Variants in FHIT observed in about 807,000 individuals in gnomAD.
FHIT encodes the protein bis(5'-adenosyl)-triphosphatase.
Under a neutral mutation model 17.9 loss-of-function variants are expected in FHIT, and 19 were observed. The ratio of observed to expected loss-of-function variants is 1.06; its 90% CI spans 0.74 to 1.56. FHIT has a LOEUF of 1.56. FHIT is among the 40% of genes most tolerant of loss of function. FHIT has a pLI of 0.00. For missense variants in FHIT, 248 were observed against 189.2 expected, an observed-to-expected ratio of 1.31 and a Z score of -1.82; for synonymous variants, 81 against 69.7, an observed-to-expected ratio of 1.16 and a Z score of -0.81.
At position 61,033,191 on chromosome 3, in the gene FHIT, T is replaced by G. The variant is rs150345511; in HGVS notation, c.-111+8856A>C. ...ATAATGAGCATATCTCTTAGCCCAG[T>G]CAAGTTGACACAAAATTAACCATCA... On this transcript the variant is annotated intron_variant, in intron 3 of 9. Coordinates refer to ENST00000492590, the MANE Select transcript of FHIT (RefSeq NM_002012.4). Among the ~76,000 whole-genome samples the G allele has an allele frequency of 2.0e-4, 30 of 152,354 alleles. No homozygotes were observed. The East Asian group carries it at 5.6e-3, about 28-fold the overall frequency.
chr3:60,653,917 C>G (rs1178475594), intron 4 of FHIT, among the ~76,000 whole-genome samples: 1 of 152,156 alleles, frequency 6.6e-6, no homozygotes, highest in Non-Finnish European at 1.5e-5. Flanking sequence ...ATGTAATCCC[C>G]GGTGCTGGAG....
At chr3:60,902,463 C>A (rs1553763424) in intron 3 of FHIT, among the ~76,000 whole-genome samples, 1 of 152,178 alleles carries the variant, frequency 6.6e-6, no homozygotes, top group African/African-American at 2.4e-5. Context: ...TTATAAAGGG[C>A]TGACCCGAAA....
At chr3:59,901,202 T>G (rs1377678469) in intron 8 of FHIT, among the ~76,000 whole-genome samples, 1 of 152,186 alleles carries the variant, frequency 6.6e-6, no homozygotes, top group Non-Finnish European at 1.5e-5. Context: ...ACTTTCTGAG[T>G]GAAATAGTGA....
rs200076485 is a variant in FHIT, at chr3:60,521,343, A to G, written c.103+15517T>C. 1.1e-3 allele frequency among the ~76,000 whole-genome samples: 171 copies of G among 152,008 alleles called. 2 individuals carry two copies. In the East Asian group the frequency reaches 0.024, roughly 22 times the overall value. On this transcript the variant is annotated intron_variant, in intron 5 of 9. Transcript: ENST00000492590. ...GCTCACTGCAAGCTCCGCCTCCCAG[A>G]TTCACGCCATTCTCCTGCCTCAACC...
chr3:60,740,419 C>T (rs1396914690), intron 4 of FHIT, among the ~76,000 whole-genome samples: 2 of 152,166 alleles, frequency 1.3e-5, no homozygotes, highest in Non-Finnish European at 2.9e-5. Flanking sequence ...GGTTAAATAA[C>T]TTATGTAAAG....
chr3:59,911,513 G>A (rs1704875209), intron 8 of FHIT, among the ~76,000 whole-genome samples: 2 of 152,134 alleles, frequency 1.3e-5, no homozygotes, highest in Admixed American at 6.5e-5. Flanking sequence ...TTCCAGAAAC[G>A]GGTACAGGGG....
At chr3:60,372,987 TAC>T (rs1700396190) in intron 5 of FHIT, among the ~76,000 whole-genome samples, 1 of 152,180 alleles carries the variant, frequency 6.6e-6, no homozygotes, top group Admixed American at 6.5e-5. Context: ...TTCTAGAGCC[TAC>T]CAAATAAAAA....
intron 5 of FHIT, among the ~76,000 whole-genome samples, chr3:60,365,580 C>A (rs1036901302): frequency 3.9e-5 from 6 of 152,128 alleles, no homozygotes; most frequent in Admixed American, 3.3e-4. Context: ...TCTCATAACT[C>A]ATTAGTTATT....
chr3:60,120,549 ACAG>A (rs756900966), intron 5 of FHIT, among the ~76,000 whole-genome samples: 2 of 152,240 alleles, frequency 1.3e-5, no homozygotes, highest in Non-Finnish European at 2.9e-5. Flanking sequence ...TAAGAGTACG[ACAG>A]CAGCGAGGAC....
intron 1 of FHIT, among the ~76,000 whole-genome samples, chr3:61,225,545 A>G (rs141373555): frequency 0.013 from 1,922 of 152,366 alleles, 21 homozygotes; most frequent in Middle Eastern, 0.075. Context: ...AAGTTCCATC[A>G]AAGCTTAATA....
At chr3:60,567,784 A>C (rs1235604198) in intron 4 of FHIT, among the ~76,000 whole-genome samples, 1 of 152,220 alleles carries the variant, frequency 6.6e-6, no homozygotes, top group African/African-American at 2.4e-5. Context: ...GTCCCAGCAA[A>C]AAGTGGGTGA....
intron 5 of FHIT, among the ~76,000 whole-genome samples, chr3:60,027,797 A>G (rs1323794841): frequency 6.6e-6 from 1 of 151,894 alleles, no homozygotes; most frequent in East Asian, 1.9e-4. Flanking sequence ...TCCTCGATCC[A>G]TCATAATTTA....
chr3:60,481,170 CT>C (rs1559480947), intron 5 of FHIT, among the ~76,000 whole-genome samples: 1 of 152,074 alleles, frequency 6.6e-6, no homozygotes. Context: ...AAATATGGGA[CT>C]TCATAAAAAG....
At chr3:59,762,981 G>A (rs1052311656) in intron 8 of FHIT, among the ~76,000 whole-genome samples, 1 of 152,192 alleles carries the variant, frequency 6.6e-6, no homozygotes, top group African/African-American at 2.4e-5. Flanking sequence ...AGACTTCGGA[G>A]AAGGAAGCAT....
At chr3:60,995,571 C>A (rs974902273) in intron 3 of FHIT, among the ~76,000 whole-genome samples, 4 of 152,056 alleles carry the variant, frequency 2.6e-5, no homozygotes, top group South Asian at 2.1e-4. Context: ...CTCCCCAGAC[C>A]GTGACCTGGA....
chr3:60,127,321 T>C (rs1477471344), intron 5 of FHIT, among the ~76,000 whole-genome samples: 5 of 152,226 alleles, frequency 3.3e-5, no homozygotes, highest in Non-Finnish European at 7.3e-5. Flanking sequence ...CTATCTCTGA[T>C]ATCTAAATAG....
At chr3:60,464,957 A>G (rs2032702175) in intron 5 of FHIT, among the ~76,000 whole-genome samples, 1 of 152,112 alleles carries the variant, frequency 6.6e-6, no homozygotes, top group Non-Finnish European at 1.5e-5. Flanking sequence ...TGGTTGTACT[A>G]ATTTACATTC....
At chr3:60,650,531 T>C (rs1316864825) in intron 4 of FHIT, among the ~76,000 whole-genome samples, 1 of 152,204 alleles carries the variant, frequency 6.6e-6, no homozygotes, top group Non-Finnish European at 1.5e-5. Flanking sequence ...CTTTAGCTAA[T>C]GTTGAAATAA....
intron 5 of FHIT, among the ~76,000 whole-genome samples, chr3:60,171,710 C>A (rs919660620): frequency 1.6e-4 from 25 of 152,020 alleles, no homozygotes; most frequent in Admixed American, 1.6e-3. Flanking sequence ...TTCATTCATT[C>A]GTTTTTTTGG....
Sources: gnomAD v4.1 joint callset for allele counts (sites outside exome capture counted in the v4.1 genomes callset) on GRCh38, gnomAD v4.1.1 for gene constraint, MANE v1.5 for transcripts, NCBI Gene and HGNC (gene_info 2026-07-23, HGNC 2026-07-21) for gene names.